Variants in QTGAL observed in about 807,000 individuals in gnomAD.
QTGAL encodes BGnT-like protein 1.
chr17:82,946,759 A>G, the QTGAL span: 1 of 797,378 alleles, frequency 1.3e-6, no homozygotes, highest in Non-Finnish European at 1.9e-6. Context: ...GCTGGAAATT[A>G]ATGAGCTGAA....
the QTGAL span, among the ~76,000 whole-genome samples, chr17:83,043,462 A>G: frequency 3.3e-5 from 5 of 152,224 alleles, no homozygotes; most frequent in African/African-American, 1.2e-4. Context: ...ATTAGAATAT[A>G]CTCAGAGACA....
At chr17:82,960,783 G>C in the QTGAL span, among the ~76,000 whole-genome samples, 22,509 of 152,310 alleles carry the variant, frequency 0.15, 1,846 homozygotes, top group Admixed American at 0.21. Flanking sequence ...AGAAGGACCC[G>C]GCGCGTGGTC....
At chr17:82,957,831 T>C in the QTGAL span, among the ~76,000 whole-genome samples, 6 of 152,274 alleles carry the variant, frequency 3.9e-5, no homozygotes, top group East Asian at 1.9e-4. Context: ...AGAGAAACCT[T>C]TGTCCATAAG....
the QTGAL span, among the ~76,000 whole-genome samples, chr17:82,952,866 T>G: frequency 6.6e-6 from 1 of 152,118 alleles, no homozygotes; most frequent in Admixed American, 6.5e-5. Context: ...CACAGTGCAA[T>G]CGAATTAGAA....
At chr17:82,955,638 C>G in the QTGAL span, among the ~76,000 whole-genome samples, 1 of 152,254 alleles carries the variant, frequency 6.6e-6, no homozygotes, top group East Asian at 1.9e-4. Flanking sequence ...CCCAGCAATA[C>G]CATTATTGGT....
chr17:83,006,488 G>A, the QTGAL span: 7 of 984,982 alleles, frequency 7.1e-6, no homozygotes, highest in East Asian at 2.3e-4. This position sits in a 1 kb window ranked among gnomAD's most constrained non-coding sequence, Gnocchi z 5.8. Context: ...GTAACATCAC[G>A]AGGACCCAAG....
chr17:82,986,188 T>C, the QTGAL span, among the ~76,000 whole-genome samples: 1 of 152,250 alleles, frequency 6.6e-6, no homozygotes, highest in Non-Finnish European at 1.5e-5. Context: ...TGAACTCGGC[T>C]GCAGCCCACA....
chr17:83,013,631 A>T, the QTGAL span, among the ~76,000 whole-genome samples: 1 of 151,366 alleles, frequency 6.6e-6, no homozygotes, highest in South Asian at 2.1e-4. Context: ...TGACCTGACC[A>T]GGATGTGACC....
At chr17:82,944,730 A>T in the QTGAL span, 1 of 152,218 alleles carries the variant, frequency 6.6e-6, no homozygotes, top group African/African-American at 2.4e-5. Context: ...CTAGGTGCTA[A>T]CCAGAAACCC....
At chr17:82,998,054 C>G in the QTGAL span, among the ~76,000 whole-genome samples, 1 of 150,650 alleles carries the variant, frequency 6.6e-6, no homozygotes, top group South Asian at 2.1e-4. Context: ...GCTGGCACAA[C>G]AGGGTGACTA....
chr17:82,970,990 C>A, the QTGAL span, among the ~76,000 whole-genome samples: 1 of 152,086 alleles, frequency 6.6e-6, no homozygotes, highest in African/African-American at 2.4e-5. Context: ...CCGAGGCAGC[C>A]GGGTCCGTTC....
chr17:82,999,189 T>G, the QTGAL span, among the ~76,000 whole-genome samples: 1 of 152,184 alleles, frequency 6.6e-6, no homozygotes, highest in Non-Finnish European at 1.5e-5. Flanking sequence ...CACAAAGGCT[T>G]GTACATATGT....
At chr17:83,012,577 C>A in the QTGAL span, among the ~76,000 whole-genome samples, 1 of 152,190 alleles carries the variant, frequency 6.6e-6, no homozygotes, top group Non-Finnish European at 1.5e-5. Context: ...ACAGGGTCTG[C>A]TCCACCTTCC....
the QTGAL span, chr17:83,007,027 C>A: frequency 5.2e-6 from 2 of 382,810 alleles, no homozygotes; most frequent in Non-Finnish European, 7.2e-6. Flanking sequence ...TGGCACCGTG[C>A]TTTAACACAG....
chr17:83,036,160 T>C, the QTGAL span, among the ~76,000 whole-genome samples: 5 of 152,088 alleles, frequency 3.3e-5, no homozygotes, highest in Non-Finnish European at 7.4e-5. Context: ...AACTGGGAAC[T>C]ACCCAAGTGC....
the QTGAL span, chr17:82,979,533 A>G: frequency 6.6e-6 from 1 of 152,236 alleles, no homozygotes; most frequent in South Asian, 2.1e-4. Flanking sequence ...TAATTGCCTA[A>G]AACAAATACT....
the QTGAL span, among the ~76,000 whole-genome samples, chr17:83,034,123 A>G: frequency 1.3e-5 from 2 of 152,022 alleles, no homozygotes; most frequent in African/African-American, 4.8e-5. Context: ...TATTTTTAGT[A>G]GAGACAGGGT....
At chr17:83,051,685 G>T in the QTGAL span, 1 of 1,413,270 alleles carries the variant, frequency 7.1e-7, no homozygotes, top group Admixed American at 2.8e-5. Context: ...CGGGGTGAGG[G>T]GACGCGAGGA....
chr17:83,021,944 A>C, the QTGAL span, among the ~76,000 whole-genome samples: 1 of 152,226 alleles, frequency 6.6e-6, no homozygotes, highest in Non-Finnish European at 1.5e-5. Context: ...AAAGGTGCCA[A>C]GATAATTCCA....
Sources: gnomAD v4.1 joint callset for allele counts (sites outside exome capture counted in the v4.1 genomes callset) on GRCh38, gnomAD v4.1.1 for gene constraint, Gnocchi (gnomAD v3.1) non-coding constraint, MANE v1.5 for transcripts, NCBI Gene and HGNC (gene_info 2026-07-23, HGNC 2026-07-21) for gene names.